The following ATXN8OS variants were observed in gnomAD, a reference collection of about 807,000 sequenced individuals.
The protein encoded by ATXN8OS is ATXN8 opposite strand (non-protein coding).
chr13:70,142,220 G>A (rs746954878), intron 3 of ATXN8OS, among the ~76,000 whole-genome samples: 142 of 152,200 alleles, frequency 9.3e-4, no homozygotes, highest in Middle Eastern at 3.4e-3. Flanking sequence ...GTATTTGTGT[G>A]TTTCTAGTAT....
intron 3 of ATXN8OS, among the ~76,000 whole-genome samples, chr13:70,146,319 C>G (rs1488341000): frequency 6.7e-6 from 1 of 149,050 alleles, no homozygotes; most frequent in Non-Finnish European, 1.5e-5. Flanking sequence ...GTTGGTGGGA[C>G]TGTAAACTAG....
chr13:70,122,801 G>A (rs1232538303), intron 2 of ATXN8OS, among the ~76,000 whole-genome samples: 3 of 151,948 alleles, frequency 2.0e-5, no homozygotes, highest in East Asian at 1.9e-4. Flanking sequence ...ATTTGATCTT[G>A]GTTAAATGAG....
Position 70,126,684 on chromosome 13 carries a change from T to C in ATXN8OS, n.399-3100T>C, listed in dbSNP as rs1381213050. 4.0e-5 allele frequency among the ~76,000 whole-genome samples: 6 copies of C among 151,824 alleles called. No homozygotes were observed. In the East Asian group the frequency reaches 7.7e-4, roughly 20 times the overall value. ...AGGCAGATAGCTATGTCTCGGTAGA[T>C]AGATGTATTACAGTTTAGATAGATA... On this transcript the variant is annotated intron_variant and non_coding_transcript_variant, in intron 2 of 4. Coordinates refer to ENST00000678624, the Ensembl canonical transcript of ATXN8OS.
intron 4 of ATXN8OS, among the ~76,000 whole-genome samples, chr13:70,160,580 G>A (rs982415028): frequency 1.3e-5 from 2 of 150,500 alleles, no homozygotes; most frequent in Admixed American, 1.3e-4. Context: ...TGGAAATGCA[G>A]TTTTACACAG....
At chr13:70,160,898 A>G (rs1422896835) in intron 4 of ATXN8OS, among the ~76,000 whole-genome samples, 1 of 149,448 alleles carries the variant, frequency 6.7e-6, no homozygotes, top group African/African-American at 2.4e-5. Flanking sequence ...TGAATTCAAT[A>G]TAAAATAATT....
intron 2 of ATXN8OS, among the ~76,000 whole-genome samples, chr13:70,129,097 C>G (rs866816923): frequency 6.6e-6 from 1 of 152,060 alleles, no homozygotes; most frequent in African/African-American, 2.4e-5. Context: ...TGACCTCAGA[C>G]GATCCACCTG....
intron 2 of ATXN8OS, among the ~76,000 whole-genome samples, chr13:70,123,169 A>C (rs1410681414): frequency 6.6e-6 from 1 of 152,116 alleles, no homozygotes; most frequent in East Asian, 1.9e-4. Flanking sequence ...AGATTTTGCC[A>C]GATACTATAG....
chr13:70,116,718 T>C (rs111348657), intron 2 of ATXN8OS, among the ~76,000 whole-genome samples: 2 of 152,238 alleles, frequency 1.3e-5, no homozygotes, highest in African/African-American at 4.8e-5. Flanking sequence ...GCAGATGTGA[T>C]AGGAATAAAC....
At chr13:70,159,053 G>C (rs973003235) in intron 4 of ATXN8OS, among the ~76,000 whole-genome samples, 1 of 151,474 alleles carries the variant, frequency 6.6e-6, no homozygotes, top group South Asian at 2.1e-4. Flanking sequence ...CCTGGATAAT[G>C]ATTCATTTCA....
intron 4 of ATXN8OS, among the ~76,000 whole-genome samples, chr13:70,160,718 TTA>T (rs1888997105): frequency 5.9e-5 from 1 of 16,814 alleles, no homozygotes; most frequent in African/African-American, 1.1e-4. Context: ...GAAAGCTGAA[TTA>T]TATATATATT....
intron 3 of ATXN8OS, among the ~76,000 whole-genome samples, chr13:70,138,938 C>G (rs1386551880): frequency 1.3e-5 from 2 of 152,060 alleles, no homozygotes; most frequent in Non-Finnish European, 2.9e-5. Context: ...ATCTGCCACC[C>G]TACCAGCCTT....
At chr13:70,147,867 T>A (rs527616783) in intron 4 of ATXN8OS, among the ~76,000 whole-genome samples, 13 of 152,224 alleles carry the variant, frequency 8.5e-5, no homozygotes, top group Non-Finnish European at 1.8e-4. Context: ...ATTTTATACA[T>A]TTTATGGAGA....
chr13:70,164,435 T>A (rs1430669050), intron 4 of ATXN8OS, among the ~76,000 whole-genome samples: 1 of 151,742 alleles, frequency 6.6e-6, no homozygotes, highest in Non-Finnish European at 1.5e-5. Context: ...TTGCAACAAA[T>A]GTGTATTCTG....
chr13:70,165,849 G>C (rs921396333), intron 4 of ATXN8OS, among the ~76,000 whole-genome samples: 1 of 151,924 alleles, frequency 6.6e-6, no homozygotes. Context: ...AAAATTACAA[G>C]TAAAATATTT....
rs186129632 is a variant in ATXN8OS at position 70,118,899 on chromosome 13, C to A, written n.398+3601C>A. Reference sequence around the variant, plus strand: ...CCAGGCTGGAGTGCAGTGGCACAATCTTGGCTCAGATATATACTTTTATAC... The same window carrying A: ...CCAGGCTGGAGTGCAGTGGCACAATATTGGCTCAGATATATACTTTTATAC... On this transcript the variant is annotated intron_variant and non_coding_transcript_variant, in intron 2 of 4. Transcript: ENST00000678624. Among the ~76,000 whole-genome samples, 10 of 150,916 alleles carry A rather than the reference C, an allele frequency of 6.6e-5. No homozygotes were observed. In the East Asian group the frequency reaches 1.9e-3, roughly 29 times the overall value.
chr13:70,151,444 T>A (rs1243174296), intron 4 of ATXN8OS, among the ~76,000 whole-genome samples: 1 of 152,094 alleles, frequency 6.6e-6, no homozygotes, highest in Non-Finnish European at 1.5e-5. Flanking sequence ...GGTTCATCTA[T>A]TTTTGCTGTA....
chr13:70,140,537 A>C (rs200987256), intron 3 of ATXN8OS, among the ~76,000 whole-genome samples: 1 of 147,834 alleles, frequency 6.8e-6, no homozygotes, highest in African/African-American at 2.5e-5. Flanking sequence ...CACACACAAA[A>C]AAAAAAAAAC....
chr13:70,115,027 CGTGT>C (rs36110832), intron 1 of ATXN8OS: 1,686 of 357,852 alleles, frequency 4.7e-3, no homozygotes, highest in Middle Eastern at 8.2e-3. Context: ...CTCTTTCTAA[CGTGT>C]GTGTGTGTGT....
intron 3 of ATXN8OS, among the ~76,000 whole-genome samples, chr13:70,137,413 G>T (rs1046976254): frequency 6.6e-6 from 1 of 152,052 alleles, no homozygotes; most frequent in African/African-American, 2.4e-5. Flanking sequence ...GGTGATATTT[G>T]CTATGAAAGC....
Sources: gnomAD v4.1 joint callset for allele counts (sites outside exome capture counted in the v4.1 genomes callset) on GRCh38, gnomAD v4.1.1 for gene constraint, MANE v1.5 for transcripts, NCBI Gene and HGNC (gene_info 2026-07-23, HGNC 2026-07-21) for gene names.